The following ADAMTS2 variants were observed in gnomAD, a reference collection of about 807,000 sequenced individuals.
The protein encoded by ADAMTS2 is ADAM metallopeptidase with thrombospondin type 1 motif 2.
A neutral mutation model predicts 123.0 loss-of-function variants in ADAMTS2; 50 were observed. The observed-to-expected ratio is 0.41, with a 90% confidence interval of 0.32 to 0.51. ADAMTS2 has a LOEUF of 0.51. ADAMTS2 is among the 20% of genes least tolerant of loss of function. ADAMTS2 has a pLI of 0.35. For missense variants in ADAMTS2, 1,494 were observed against 1,705.2 expected (o/e 0.88, Z 2.18); for synonymous variants, 678 against 695.4 (o/e 0.98, Z 0.39).
At chr5:179,153,172 C>T (rs763901476) in intron 9 of ADAMTS2, among the ~76,000 whole-genome samples, 8 of 152,174 alleles carry the variant, frequency 5.3e-5, no homozygotes, top group Non-Finnish European at 7.3e-5. Flanking sequence ...CCTCTCCTTC[C>T]GCTTAGCCTG....
At chr5:179,269,719 G>A (rs926208782) in intron 3 of ADAMTS2, among the ~76,000 whole-genome samples, 4 of 152,194 alleles carry the variant, frequency 2.6e-5, no homozygotes, top group Admixed American at 2.0e-4. Context: ...CACAGGATGA[G>A]ATGCACACAC....
chr5:179,289,533 C>G (rs1756127482), intron 2 of ADAMTS2, among the ~76,000 whole-genome samples: 1 of 152,170 alleles, frequency 6.6e-6, no homozygotes, highest in Admixed American at 6.5e-5. Context: ...TAACAAGAAA[C>G]AGAATGCTCA....
intron 4 of ADAMTS2, among the ~76,000 whole-genome samples, chr5:179,200,241 T>C (rs1764529624): frequency 6.9e-6 from 1 of 144,636 alleles, no homozygotes; most frequent in Non-Finnish European, 1.5e-5. Context: ...ACACCTTTCT[T>C]TCCTTTTTTT....
At chr5:179,160,934 C>T (rs1035925290) in intron 5 of ADAMTS2, among the ~76,000 whole-genome samples, 9 of 152,124 alleles carry the variant, frequency 5.9e-5, no homozygotes, top group Non-Finnish European at 8.8e-5. Context: ...CTTTCTGGCA[C>T]GAGATCTGGC....
chr5:179,274,722 G>A (rs1766648913), intron 2 of ADAMTS2, among the ~76,000 whole-genome samples: 1 of 152,266 alleles, frequency 6.6e-6, no homozygotes, highest in Non-Finnish European at 1.5e-5. Context: ...GGCCTGCTGG[G>A]CGGCTGCCCC....
intron 2 of ADAMTS2, among the ~76,000 whole-genome samples, chr5:179,282,068 G>T (rs910496117): frequency 6.6e-6 from 1 of 152,108 alleles, no homozygotes; most frequent in Non-Finnish European, 1.5e-5. Context: ...TACAATTTAT[G>T]AATATTTTCT....
chr5:179,241,673 T>G (rs1203237897), intron 3 of ADAMTS2, among the ~76,000 whole-genome samples: 1 of 152,244 alleles, frequency 6.6e-6, no homozygotes, highest in African/African-American at 2.4e-5. Context: ...TTGTGCAATT[T>G]GAATTTATTT....
At chr5:179,207,428 C>T (rs1764723930) in intron 4 of ADAMTS2, 85 bp downstream of exon 4, 1 of 1,429,492 alleles carries the variant, frequency 7.0e-7, no homozygotes, top group Non-Finnish European at 9.8e-7. Flanking sequence ...CCTCAGGGGA[C>T]CTGGCCCAGC....
intron 4 of ADAMTS2, among the ~76,000 whole-genome samples, chr5:179,193,666 A>C (rs1317625495): frequency 6.6e-6 from 1 of 152,228 alleles, no homozygotes. Context: ...GAATTCATTT[A>C]GTCACTTATT....
At chr5:179,198,288 A>T (rs1022746337) in intron 4 of ADAMTS2, among the ~76,000 whole-genome samples, 1 of 152,186 alleles carries the variant, frequency 6.6e-6, no homozygotes, top group Non-Finnish European at 1.5e-5. Context: ...AGGGAATAGA[A>T]GTCACTCTGC....
At chr5:179,221,034 G>A (rs1362012365) in intron 3 of ADAMTS2, among the ~76,000 whole-genome samples, 1 of 152,172 alleles carries the variant, frequency 6.6e-6, no homozygotes, top group Admixed American at 6.5e-5. Context: ...CAGGCACACA[G>A]CAGTGCTGGG....
chr5:179,131,254 A>C (rs965885464), intron 15 of ADAMTS2, among the ~76,000 whole-genome samples: 19 of 144,700 alleles, frequency 1.3e-4, no homozygotes, highest in African/African-American at 4.3e-4. Context: ...CGGAGGTTGC[A>C]GTGAGCCAAG....
chr5:179,298,146 C>A (rs1173691887), intron 2 of ADAMTS2, among the ~76,000 whole-genome samples: 1 of 152,172 alleles, frequency 6.6e-6, no homozygotes, highest in African/African-American at 2.4e-5. Flanking sequence ...AGAAGCCCAC[C>A]TGACATTCAT....
At position 179,137,810 on chromosome 5, in the gene ADAMTS2, C is replaced by A; in HGVS notation, c.1910G>T (p.Gly637Val). 6.3e-7 allele frequency: 1 copy of A among 1,580,276 alleles called. No individual in the cohort carries two copies. The highest frequency in any genetic ancestry group is 2.3e-5 in the East Asian group (1 of 42,690). The change falls in exon 12 of 22, where the codon GGC becomes GTC. Residue 637 changes from glycine to valine, a missense_variant. This residue lies in a region of ADAMTS2 where 953 missense variants were observed against 1,124.7 expected (regional missense o/e 0.85). Coordinates refer to ENST00000251582, the MANE Select transcript of ADAMTS2 (RefSeq NM_014244.5). Reference protein sequence around the residue: ...CRQWDLYFEHGDAQHHWLPHE... With the variant: ...CRQWDLYFEHVDAQHHWLPHE... ...GGGCAGCCAGTGGTGCTGGGCGTCGCCGTGCTCGAAGTACAGGTCCCACTG... is the reference window on the plus strand; with the variant it reads ...GGGCAGCCAGTGGTGCTGGGCGTCGACGTGCTCGAAGTACAGGTCCCACTG...
intron 3 of ADAMTS2, among the ~76,000 whole-genome samples, chr5:179,254,011 G>A (rs1409905747): frequency 6.6e-6 from 1 of 152,178 alleles, no homozygotes; most frequent in Non-Finnish European, 1.5e-5. Context: ...CCAGGGCGGG[G>A]CAGCAGGGCA....
At chr5:179,249,151 T>C (rs1765865986) in intron 3 of ADAMTS2, among the ~76,000 whole-genome samples, 1 of 152,110 alleles carries the variant, frequency 6.6e-6, no homozygotes, top group Non-Finnish European at 1.5e-5. Flanking sequence ...TTAGGTCAGG[T>C]AATATGTTAC....
chr5:179,244,717 A>G (rs1765743397), intron 3 of ADAMTS2, among the ~76,000 whole-genome samples: 1 of 152,210 alleles, frequency 6.6e-6, no homozygotes, highest in Non-Finnish European at 1.5e-5. Context: ...TATAAATGTA[A>G]TATATTTGAC....
intron 2 of ADAMTS2, among the ~76,000 whole-genome samples, chr5:179,282,312 T>C (rs527673727): frequency 6.6e-6 from 1 of 152,376 alleles, no homozygotes; most frequent in Admixed American, 6.5e-5. Flanking sequence ...CAGTTAATAT[T>C]TGTGTATGGT....
At chr5:179,342,918 G>C (rs1173909796) in intron 2 of ADAMTS2, among the ~76,000 whole-genome samples, 1 of 152,228 alleles carries the variant, frequency 6.6e-6, no homozygotes, top group African/African-American at 2.4e-5. Context: ...CAGAGCTCCA[G>C]TCACAGGACT....
Sources: gnomAD v4.1 joint callset for allele counts (sites outside exome capture counted in the v4.1 genomes callset) on GRCh38, gnomAD v4.1.1 for gene constraint, gnomAD v4.1.1 regional missense constraint, MANE v1.5 for transcripts, NCBI Gene and HGNC (gene_info 2026-07-23, HGNC 2026-07-21) for gene names.